Variants in ZNF892 observed in about 807,000 individuals in gnomAD.
The protein encoded by ZNF892 is zinc finger protein 570-like.
chr2:95,251,818 CCT>C, the ZNF892 span, among the ~76,000 whole-genome samples: 2 of 152,196 alleles, frequency 1.3e-5, no homozygotes, highest in African/African-American at 4.8e-5. Flanking sequence ...GGATTTTCCC[CCT>C]GTGACAAATC....
the ZNF892 span, chr2:95,211,517 A>G: frequency 2.5e-6 from 1 of 395,724 alleles, no homozygotes; most frequent in Admixed American, 4.4e-5. Flanking sequence ...TCCTTTTTTT[A>G]TCCTTTCTGT....
chr2:95,222,518 T>C, the ZNF892 span, among the ~76,000 whole-genome samples: 1 of 152,240 alleles, frequency 6.6e-6, no homozygotes, highest in East Asian at 1.9e-4. Context: ...ATTTTATCCA[T>C]TCTAGTAGAT....
At chr2:95,215,018 T>C in the ZNF892 span, 2 of 513,342 alleles carry the variant, frequency 3.9e-6, no homozygotes, top group East Asian at 3.1e-5. Context: ...GAATTCATAC[T>C]GGAGAGAAAC....
the ZNF892 span, among the ~76,000 whole-genome samples, chr2:95,237,159 T>A: frequency 1.3e-5 from 2 of 150,910 alleles, no homozygotes; most frequent in East Asian, 1.9e-4. Flanking sequence ...TTTTTTTTTT[T>A]ATTTTGAGAC....
chr2:95,218,042 T>G, the ZNF892 span, among the ~76,000 whole-genome samples: 3 of 152,228 alleles, frequency 2.0e-5, no homozygotes, highest in African/African-American at 7.2e-5. Flanking sequence ...CATTTTATTT[T>G]GTTGTTTTTC....
chr2:95,212,394 C>A, the ZNF892 span: 1 of 396,882 alleles, frequency 2.5e-6, no homozygotes, highest in East Asian at 3.6e-5. Context: ...GTCCCTGTCT[C>A]ACCCCTATGC....
chr2:95,250,910 C>A, the ZNF892 span, among the ~76,000 whole-genome samples: 1 of 146,076 alleles, frequency 6.8e-6, no homozygotes, highest in Non-Finnish European at 1.5e-5. Context: ...TAAACATTGA[C>A]GTCAATACTT....
chr2:95,235,124 T>G, the ZNF892 span, among the ~76,000 whole-genome samples: 3 of 152,144 alleles, frequency 2.0e-5, no homozygotes, highest in Admixed American at 6.5e-5. Flanking sequence ...TCTGTGTTGG[T>G]TATTGCTGAG....
the ZNF892 span, among the ~76,000 whole-genome samples, chr2:95,244,114 G>A: frequency 6.6e-6 from 1 of 151,088 alleles, no homozygotes; most frequent in South Asian, 2.1e-4. Flanking sequence ...GGTGCAAGAT[G>A]TGCTTTGTTA....
At chr2:95,230,645 G>A in the ZNF892 span, among the ~76,000 whole-genome samples, 7 of 152,252 alleles carry the variant, frequency 4.6e-5, no homozygotes, top group East Asian at 1.4e-3. Flanking sequence ...CTCCTCCGTC[G>A]CCGCCTCTGG....
At chr2:95,217,713 T>A in the ZNF892 span, among the ~76,000 whole-genome samples, 1 of 152,148 alleles carries the variant, frequency 6.6e-6, no homozygotes, top group Non-Finnish European at 1.5e-5. Context: ...TTTCGTCAGA[T>A]CTTGTGAGAA....
the ZNF892 span, among the ~76,000 whole-genome samples, chr2:95,219,090 C>T: frequency 6.6e-6 from 1 of 152,116 alleles, no homozygotes; most frequent in Admixed American, 6.5e-5. Flanking sequence ...GCTCCACCTC[C>T]CAGGTTCACG....
the ZNF892 span, among the ~76,000 whole-genome samples, chr2:95,229,646 ATGG>A: frequency 6.6e-6 from 1 of 152,102 alleles, no homozygotes; most frequent in African/African-American, 2.4e-5. Flanking sequence ...TTTTTCACTG[ATGG>A]TGTGGTATTC....
the ZNF892 span, among the ~76,000 whole-genome samples, chr2:95,222,581 A>G: frequency 1.3e-5 from 2 of 152,336 alleles, no homozygotes; most frequent in Admixed American, 1.3e-4. Flanking sequence ...GTGACTAATG[A>G]TGTTGAGCAT....
At chr2:95,207,917 C>T in the ZNF892 span, 5 of 398,380 alleles carry the variant, frequency 1.3e-5, 1 homozygote, top group South Asian at 2.6e-4. Context: ...GGCGCAGGCT[C>T]AGGAAGGAGT....
At chr2:95,229,474 C>T in the ZNF892 span, among the ~76,000 whole-genome samples, 1 of 152,152 alleles carries the variant, frequency 6.6e-6, no homozygotes. Context: ...GCCTCACCTC[C>T]CCATCCCTGT....
the ZNF892 span, among the ~76,000 whole-genome samples, chr2:95,245,419 T>A: frequency 6.9e-6 from 1 of 143,916 alleles, no homozygotes; most frequent in East Asian, 2.0e-4. Flanking sequence ...GCTAATTTTT[T>A]GTATTTTTTA....
the ZNF892 span, chr2:95,215,751 G>A: frequency 5.3e-5 from 21 of 396,704 alleles, no homozygotes; most frequent in Middle Eastern, 1.2e-3. Context: ...ATTAGACTGT[G>A]AAAGTATAGT....
At chr2:95,210,161 A>G in the ZNF892 span, among the ~76,000 whole-genome samples, 71 of 149,172 alleles carry the variant, frequency 4.8e-4, no homozygotes, top group Non-Finnish European at 9.0e-4. Context: ...ATATATGTGT[A>G]TATATGTATA....
Sources: gnomAD v4.1 joint callset for allele counts (sites outside exome capture counted in the v4.1 genomes callset) on GRCh38, gnomAD v4.1.1 for gene constraint, MANE v1.5 for transcripts, NCBI Gene and HGNC (gene_info 2026-07-23, HGNC 2026-07-21) for gene names.